FLT1: variants seen among roughly 807,000 people sequenced by gnomAD.
The protein encoded by FLT1 is fms related receptor tyrosine kinase 1.
FLT1 carries 49 observed loss-of-function variants against 156.3 expected under a neutral mutation model. That is an observed-to-expected ratio of 0.31 (90% CI 0.25 to 0.40). The LOEUF (loss-of-function observed/expected upper bound fraction) is 0.40, where lower values mean the gene tolerates loss of function less well. Among genes scored for constraint, FLT1 ranks in the 10% least tolerant of loss-of-function variants. The pLI is 1.00. For synonymous variants in FLT1, 594 were observed against 583.8 expected (o/e 1.02, Z -0.25); for missense variants, 1,322 against 1,637.2 (o/e 0.81, Z 3.32).
At position 28,343,645 on chromosome 13, in the gene FLT1, C is replaced by CT. The variant is rs562106493; in HGVS notation, c.2355+1799dup. Among the ~76,000 whole-genome samples the CT allele has an allele frequency of 2.6e-3, 370 of 143,556 alleles. 1 individual carries two copies. The highest frequency in any genetic ancestry group is 0.011 in the Middle Eastern group (3 of 278). The allele number at this position is 143,556 out of a possible 152,430, so 94.2% of individuals were successfully genotyped here. The stretch of plus-strand genomic sequence containing the variant: ...TTTCTCTTCTTTTCTTTTTTTCTTT[C>CT]TTTTTTTTTTTTTCTGAGACAGAGT... On this transcript the variant is annotated intron_variant, in intron 16 of 29. Transcript: ENST00000282397.
chr13:28,313,065 G>A (rs1038629407), intron 25 of FLT1, among the ~76,000 whole-genome samples: 4 of 151,692 alleles, frequency 2.6e-5, no homozygotes, highest in Non-Finnish European at 4.4e-5. Context: ...TGCAACCTCC[G>A]GCTCCCAGGT....
At chr13:28,485,301 G>A (rs1286743033) in intron 1 of FLT1, among the ~76,000 whole-genome samples, 1 of 152,100 alleles carries the variant, frequency 6.6e-6, no homozygotes, top group Non-Finnish European at 1.5e-5. Flanking sequence ...AAGCTGCAGA[G>A]CTGCCTGCAC....
At chr13:28,349,340 C>T (rs1872666736) in intron 15 of FLT1, among the ~76,000 whole-genome samples, 2 of 152,104 alleles carry the variant, frequency 1.3e-5, no homozygotes, top group African/African-American at 4.8e-5. Flanking sequence ...TACACATCCT[C>T]ACAATGGGAA....
At chr13:28,490,445 G>A (rs552402596) in intron 1 of FLT1, among the ~76,000 whole-genome samples, 3 of 152,300 alleles carry the variant, frequency 2.0e-5, no homozygotes, top group African/African-American at 7.2e-5. Flanking sequence ...CTGCAGCCCC[G>A]TGAGCTAAGT....
Position 28,427,036 on chromosome 13 carries a change from G to T in FLT1, c.1436+123C>A. The stretch of plus-strand genomic sequence containing the variant: ...TGCCCACCTTTTTCCAAGGCAGGGA[G>T]AGCCTTTGCCTCAAATATACAGTAC... On this transcript the variant is annotated intron_variant, in intron 10 of 29. Coordinates refer to ENST00000282397, the MANE Select transcript of FLT1 (RefSeq NM_002019.4). 3 of 899,048 alleles carry T rather than the reference G, an allele frequency of 3.3e-6. No individual in the cohort carries two copies. The South Asian group carries it at 4.0e-5, about 12-fold the overall frequency. 55.7% of individuals were successfully genotyped at this position (899,048 alleles called of 1,614,324 possible). A position where few individuals can be genotyped will look rare whatever the true frequency, so the allele number is the denominator to read the frequency against.
At position 28,315,903 on chromosome 13, in the gene FLT1, C is replaced by T. The variant is rs566288574; in HGVS notation, c.3386+1595G>A. On this transcript the variant is annotated intron_variant, in intron 25 of 29. Coordinates refer to ENST00000282397, the MANE Select transcript of FLT1 (RefSeq NM_002019.4). The stretch of plus-strand genomic sequence containing the variant: ...TTTGCTTCTCAGCTGACAGACGGCA[C>T]ATTGCTTCAGTTCTCGGCATCTCAG... Among the ~76,000 whole-genome samples the T allele has an allele frequency of 3.3e-5, 5 of 152,308 alleles. No homozygotes were observed. The East Asian group carries it at 9.6e-4, about 29-fold the overall frequency.
chr13:28,422,731 C>T (rs1877083348), intron 10 of FLT1, among the ~76,000 whole-genome samples: 1 of 152,108 alleles, frequency 6.6e-6, no homozygotes, highest in Admixed American at 6.6e-5. Flanking sequence ...CACAATTGTC[C>T]AGTCAGCTAC....
Position 28,303,038 on chromosome 13 carries a change from C to T in FLT1, c.*129G>A. The T allele has an allele frequency of 1.3e-6, 1 of 764,886 alleles. No homozygotes were observed. Among genetic ancestry groups the T allele is most frequent in the South Asian group, 1.8e-5 (1 of 54,942 alleles). The allele number at this position is 764,886 out of a possible 1,614,324, so 47.4% of individuals were successfully genotyped here. A position where few individuals can be genotyped will look rare whatever the true frequency, so the allele number is the denominator to read the frequency against. ...AAAAAAAAAGCACTATTAAAAAAAT[C>T]ACAAAAAGCAGCTGGCTCCCATGGA... On this transcript the variant is annotated 3_prime_UTR_variant, in exon 30 of 30. Transcript: ENST00000282397.
intron 1 of FLT1, among the ~76,000 whole-genome samples, chr13:28,473,698 A>AAAAG (rs1351953423): frequency 0.018 from 1,876 of 101,432 alleles, 161 homozygotes; most frequent in Non-Finnish European, 0.025. Flanking sequence ...AGAGAGAAAG[A>AAAAG]AAAGAAAGAA....
chr13:28,406,658 A>AT (rs1566009038), intron 10 of FLT1, among the ~76,000 whole-genome samples: 27 of 6,916 alleles, frequency 3.9e-3, no homozygotes, highest in Non-Finnish European at 0.023. Context: ...ATTATTATTA[A>AT]TATTAGAGAC....
At chr13:28,387,027 C>G (rs1874407166) in intron 13 of FLT1, 1 of 1,038,076 alleles carries the variant, frequency 9.6e-7, no homozygotes, top group South Asian at 4.6e-5. Flanking sequence ...ATCATCAACA[C>G]AGACACGATT....
chr13:28,443,068 A>G (rs1878422424), intron 3 of FLT1, among the ~76,000 whole-genome samples: 1 of 152,210 alleles, frequency 6.6e-6, no homozygotes, highest in Admixed American at 6.5e-5. Context: ...GGCAGCTCAG[A>G]CACACTGTCA....
At chr13:28,466,745 T>C (rs933629235) in intron 3 of FLT1, 158 bp downstream of exon 3, 18 of 703,808 alleles carry the variant, frequency 2.6e-5, no homozygotes, top group Admixed American at 2.2e-4. Context: ...CTGGTTAAAA[T>C]TGACATCCAC....
At chr13:28,309,474 G>T (rs1870900641) in intron 27 of FLT1, among the ~76,000 whole-genome samples, 1 of 152,132 alleles carries the variant, frequency 6.6e-6, no homozygotes, top group Non-Finnish European at 1.5e-5. Flanking sequence ...TGTTGATGAT[G>T]TATTAGGAAA....
chr13:28,412,377 T>TTTCC lies in FLT1; in HGVS notation c.1437-6484_1437-6483insGGAA, dbSNP rs1213347124. Among the ~76,000 whole-genome samples, 131 of 120,636 alleles carry TTTCC rather than the reference T, an allele frequency of 1.1e-3. 4 individuals are homozygous for TTTCC. The highest frequency in any genetic ancestry group is 3.1e-3 in the African/African-American group (99 of 32,114). 79.1% of individuals were successfully genotyped at this position (120,636 alleles called of 152,430 possible). On this transcript the variant is annotated intron_variant, in intron 10 of 29. Coordinates refer to ENST00000282397, the MANE Select transcript of FLT1 (RefSeq NM_002019.4). The stretch of plus-strand genomic sequence containing the variant: ...CTTTCTTTCTTTCTTTCTTTCTTTC[T>TTTCC]TTCTTTCTTTCTTTCTTTCTTTCTT...
At chr13:28,346,652 G>A (rs1348053497) in intron 15 of FLT1, among the ~76,000 whole-genome samples, 1 of 152,142 alleles carries the variant, frequency 6.6e-6, no homozygotes, top group Non-Finnish European at 1.5e-5. Context: ...CCATGCTGTA[G>A]TGAGCTATGA....
chr13:28,343,387 G>A (rs1593695482), intron 16 of FLT1, among the ~76,000 whole-genome samples: 1 of 149,782 alleles, frequency 6.7e-6, no homozygotes, highest in African/African-American at 2.5e-5. Context: ...TGCAACCTCC[G>A]CCCCCGGGTC....
At chr13:28,327,836 C>CGTTT (rs1566288296) in intron 19 of FLT1, among the ~76,000 whole-genome samples, 1 of 150,964 alleles carries the variant, frequency 6.6e-6, no homozygotes, top group East Asian at 1.9e-4. Context: ...GACAGAAATA[C>CGTTT]GTTTGAGGAG....
At chr13:28,353,180 G>A (rs917142029) in intron 15 of FLT1, among the ~76,000 whole-genome samples, 6 of 152,022 alleles carry the variant, frequency 3.9e-5, no homozygotes, top group Non-Finnish European at 7.4e-5. Context: ...AATCATCTTC[G>A]AAAAATGTTT....
Sources: gnomAD v4.1 joint callset for allele counts (sites outside exome capture counted in the v4.1 genomes callset) on GRCh38, gnomAD v4.1.1 for gene constraint, MANE v1.5 for transcripts, NCBI Gene and HGNC (gene_info 2026-07-23, HGNC 2026-07-21) for gene names.